Variants in PLCG2 observed in about 807,000 individuals in gnomAD.
The protein encoded by PLCG2 is phospholipase C gamma 2.
A neutral mutation model predicts 175.6 loss-of-function variants in PLCG2; 69 were observed. The observed-to-expected ratio is 0.39, with a 90% CI of 0.32 to 0.48. PLCG2 has a LOEUF of 0.48. Among genes scored for constraint, PLCG2 ranks in the 20% least tolerant of loss-of-function variants. The pLI is 0.91. For missense variants in PLCG2, 1,798 were observed against 1,650.9 expected, an observed-to-expected ratio of 1.09 and a Z score of -1.54; for synonymous variants, 827 against 624.0, an observed-to-expected ratio of 1.33 and a Z score of -4.85.
At chr16:81,741,111 C>G (rs1211085000) in intron 1 of PLCG2, among the ~76,000 whole-genome samples, 1 of 152,182 alleles carries the variant, frequency 6.6e-6, no homozygotes, top group African/African-American at 2.4e-5. Flanking sequence ...GCCCCGACAT[C>G]CAGGCCCAGC....
intron 2 of PLCG2, among the ~76,000 whole-genome samples, chr16:81,830,647 GGT>G (rs58171961): frequency 2.3e-4 from 34 of 149,520 alleles, no homozygotes; most frequent in South Asian, 4.3e-4. Flanking sequence ...AAATGTGTGG[GGT>G]GTGTGTGTGT....
At chr16:81,756,010 C>G (rs1411638312) in intron 2 of PLCG2, 2 of 153,142 alleles carry the variant, frequency 1.3e-5, no homozygotes, top group Non-Finnish European at 2.9e-5. Context: ...AACCCTGACT[C>G]CAGGCCAGTC....
chr16:81,881,855 T>C (rs1462109790), intron 8 of PLCG2, among the ~76,000 whole-genome samples: 1 of 152,168 alleles, frequency 6.6e-6, no homozygotes, highest in East Asian at 1.9e-4. Context: ...TTTCACCATG[T>C]TGGCCAGTCT....
At chr16:81,835,781 C>T (rs1015875776) in intron 2 of PLCG2, among the ~76,000 whole-genome samples, 7 of 152,088 alleles carry the variant, frequency 4.6e-5, no homozygotes, top group African/African-American at 1.7e-4. Context: ...GCAGTGCTCC[C>T]GCTGGAGGCT....
At chr16:81,814,172 A>G (rs1904437130) in intron 2 of PLCG2, among the ~76,000 whole-genome samples, 1 of 152,150 alleles carries the variant, frequency 6.6e-6, no homozygotes, top group Non-Finnish European at 1.5e-5. Context: ...AAATGTCTTA[A>G]GATACAGCGG....
chr16:81,761,531 T>C (rs1398552377), intron 2 of PLCG2, among the ~76,000 whole-genome samples: 1 of 152,194 alleles, frequency 6.6e-6, no homozygotes, highest in Non-Finnish European at 1.5e-5. Flanking sequence ...GAGTCATATG[T>C]CTTTCCCTCG....
In PLCG2 at chr16:81,883,079, C is replaced by T. The variant is rs767706140; in HGVS notation, c.693-190C>T. ...TTGAGATTCCGATGTCAGGGTCCCT[C>T]TGAATCCTTGTAGGTGAGGGACATT... On this transcript the variant is annotated intron_variant, in intron 8 of 32. Coordinates refer to ENST00000564138, the MANE Select transcript of PLCG2 (RefSeq NM_002661.5). 3.3e-5 allele frequency among the ~76,000 whole-genome samples: 5 copies of T among 152,304 alleles called. No homozygotes were observed. In the Middle Eastern group the frequency reaches 0.01, roughly 311 times the overall value.
rs142673803 is a variant in PLCG2, at chr16:81,805,582, A to G, written c.193+19400A>G. Among the ~76,000 whole-genome samples, 687 of 151,518 alleles carry G rather than the reference A, an allele frequency of 4.5e-3. 5 individuals are homozygous for G. The highest frequency in any genetic ancestry group is 6.1e-3 in the Non-Finnish European group (415 of 67,888). Reference sequence around the variant, plus strand: ...AGCTCAACAATAAGAAAACAACCCAATTAAAAAGTGGGCGAAAGATCTGAA... The same window carrying G: ...AGCTCAACAATAAGAAAACAACCCAGTTAAAAAGTGGGCGAAAGATCTGAA... On this transcript the variant is annotated intron_variant, in intron 2 of 32. Coordinates refer to ENST00000564138, the MANE Select transcript of PLCG2 (RefSeq NM_002661.5).
intron 2 of PLCG2, among the ~76,000 whole-genome samples, chr16:81,756,977 T>G (rs968393677): frequency 1.3e-5 from 2 of 152,200 alleles, no homozygotes; most frequent in African/African-American, 4.8e-5. Context: ...TTGCTGCTAC[T>G]TTGGGCAAAG....
intron 9 of PLCG2, among the ~76,000 whole-genome samples, chr16:81,887,150 C>T (rs893104927): frequency 1.1e-4 from 17 of 150,544 alleles, no homozygotes; most frequent in Non-Finnish European, 1.6e-4. Flanking sequence ...GATGGAGTCT[C>T]GCTCTGTCAC....
At chr16:81,825,525 C>T (rs561923896) in intron 2 of PLCG2, among the ~76,000 whole-genome samples, 302 of 152,224 alleles carry the variant, frequency 2.0e-3, no homozygotes, top group African/African-American at 7.1e-3. Flanking sequence ...CAACTCCTGA[C>T]CTCAGGTGTT....
chr16:81,901,827 C>G (rs1013943596), intron 14 of PLCG2, among the ~76,000 whole-genome samples: 1 of 152,114 alleles, frequency 6.6e-6, no homozygotes, highest in East Asian at 1.9e-4. Flanking sequence ...ATGAAGAAAC[C>G]CATCTTTTAG....
intron 1 of PLCG2, chr16:81,783,073 C>G (rs1246880503): frequency 1.1e-5 from 5 of 463,256 alleles, no homozygotes; most frequent in Non-Finnish European, 2.2e-5. Context: ...CAAGGCCCTC[C>G]CAGAGTGAGG....
chr16:81,765,508 G>C (rs1232585440), intron 2 of PLCG2, among the ~76,000 whole-genome samples: 1 of 152,232 alleles, frequency 6.6e-6, no homozygotes, highest in East Asian at 1.9e-4. Flanking sequence ...ATGGGCACCT[G>C]TAATCCCAGC....
chr16:81,776,542 C>T (rs1212566916), upstream of PLCG2, among the ~76,000 whole-genome samples: 8 of 152,118 alleles, frequency 5.3e-5, no homozygotes, highest in East Asian at 1.9e-4. Context: ...CAGCGCCTGC[C>T]GCCTTGATGA....
chr16:81,752,901 A>T (rs1909841166), intron 1 of PLCG2, among the ~76,000 whole-genome samples: 2 of 152,184 alleles, frequency 1.3e-5, no homozygotes, highest in Admixed American at 1.3e-4. Context: ...CCACCTGTCA[A>T]CTCGGGGCTT....
chr16:81,797,667 G>T (rs1056102250), intron 2 of PLCG2, among the ~76,000 whole-genome samples: 1 of 152,186 alleles, frequency 6.6e-6, no homozygotes, highest in Non-Finnish European at 1.5e-5. Context: ...CGGACTTCCG[G>T]TTTCTTCCTA....
intron 21 of PLCG2, 55 bp from the exon 22 acceptor site, chr16:81,923,430 C>G: frequency 9.4e-4 from 934 of 994,244 alleles, no homozygotes; most frequent in Non-Finnish European, 1.3e-3. Flanking sequence ...AACGCAGCCG[C>G]CTCCCTCCCC....
intron 2 of PLCG2, among the ~76,000 whole-genome samples, chr16:81,836,734 T>C (rs190883021): frequency 7.9e-5 from 12 of 152,294 alleles, no homozygotes; most frequent in African/African-American, 2.6e-4. Flanking sequence ...AGCAACACTA[T>C]GTCTCAAAAA....
Sources: gnomAD v4.1 joint callset for allele counts (sites outside exome capture counted in the v4.1 genomes callset) on GRCh38, gnomAD v4.1.1 for gene constraint, MANE v1.5 for transcripts, NCBI Gene and HGNC (gene_info 2026-07-23, HGNC 2026-07-21) for gene names.